The following ADCY10 variants were observed in gnomAD, a reference collection of about 807,000 sequenced individuals.
The protein encoded by ADCY10 is adenylate cyclase 10.
In ADCY10, 156 loss-of-function variants were observed where a neutral mutation model predicts 183.3. The observed-to-expected ratio is 0.85, with a 90% CI of 0.75 to 0.97. The LOEUF is 0.97. Among genes scored for constraint, ADCY10 ranks in the 50% least tolerant of loss-of-function variants. The pLI is 0.00. For synonymous variants in ADCY10, 645 were observed against 670.0 expected (o/e 0.96, Z 0.58); for missense variants, 1,745 against 1,934.3 (o/e 0.90, Z 1.84).
chr1:167,822,848 A>C (rs1167821167), intron 29 of ADCY10, among the ~76,000 whole-genome samples, 160 bp downstream of exon 29: 1 of 152,006 alleles, frequency 6.6e-6, no homozygotes, highest in Non-Finnish European at 1.5e-5. Flanking sequence ...CCTGCTAGAC[A>C]GTGCTTCAGC....
At chr1:167,888,800 C>T (rs1668402167) in intron 8 of ADCY10, among the ~76,000 whole-genome samples, 2 of 93,780 alleles carry the variant, frequency 2.1e-5, no homozygotes, top group South Asian at 3.5e-4. Flanking sequence ...AGAGTGAACC[C>T]GGGAGGCGGA....
chr1:167,902,795 G>T (rs995100474), intron 3 of ADCY10, among the ~76,000 whole-genome samples: 18 of 152,194 alleles, frequency 1.2e-4, no homozygotes, highest in African/African-American at 4.3e-4. Flanking sequence ...AAACAAGATG[G>T]CAGGCAGAGG....
chr1:167,868,025 G>A (rs1170223807), intron 14 of ADCY10, among the ~76,000 whole-genome samples: 2 of 152,104 alleles, frequency 1.3e-5, no homozygotes, highest in Admixed American at 1.3e-4. Flanking sequence ...CGTATCTCTG[G>A]GCGTCGATAA....
In ADCY10 at chr1:167,846,081, G is replaced by T. The variant is rs369190703; in HGVS notation, c.2620C>A (p.Arg874=). Residue 874 remains arginine, a synonymous_variant, in exon 20 of 33, where the codon CGG becomes AGG. Transcript: ENST00000367851. ...LVESNIFYCF[R]NGKELQKALK... ...GCCTTTTGAAGCTCCTTGCCATTCC[G>T]GAAACAATAAAAAATGTTAGATTCC... 4 of 1,613,972 alleles carry T rather than the reference G, an allele frequency of 2.5e-6. No individual in the cohort carries two copies. The South Asian group carries it at 4.4e-5, about 18-fold the overall frequency.
At chr1:167,906,214 T>TAAAATGTATATAGTATACATTTA (rs1205346944) in intron 1 of ADCY10, among the ~76,000 whole-genome samples, 1 of 152,122 alleles carries the variant, frequency 6.6e-6, no homozygotes, top group Non-Finnish European at 1.5e-5. Context: ...AGACAAACTT[T>TAAAATGTATATAGTATACATTTA]AAAATGTATA....
chr1:167,864,158 T>C (rs180816038), intron 14 of ADCY10, among the ~76,000 whole-genome samples: 3 of 152,364 alleles, frequency 2.0e-5, no homozygotes, highest in African/African-American at 7.2e-5. Flanking sequence ...TTTGGTTTAG[T>C]GTAAACTGCA....
rs192687128 is a variant in ADCY10 at position 167,815,448 on chromosome 1, C to A, written c.4482+2624G>T. 7.9e-5 allele frequency among the ~76,000 whole-genome samples: 12 copies of A among 152,220 alleles called. No homozygotes were observed. The East Asian group carries it at 2.3e-3, about 29-fold the overall frequency. Reference sequence around the variant, plus strand: ...CTAAACCCAGTTCTAGCCATTATGTCCCACCTAAGGAAGAGGGGACTGAAA... The same window carrying A: ...CTAAACCCAGTTCTAGCCATTATGTACCACCTAAGGAAGAGGGGACTGAAA... On this transcript the variant is annotated intron_variant, in intron 31 of 32. Coordinates refer to ENST00000367851, the MANE Select transcript of ADCY10 (RefSeq NM_018417.6).
chr1:167,885,986 T>A (rs1668196250), intron 8 of ADCY10, among the ~76,000 whole-genome samples: 1 of 152,088 alleles, frequency 6.6e-6, no homozygotes, highest in Admixed American at 6.6e-5. Flanking sequence ...CAGCTTCTTA[T>A]ATAGGGATGT....
At chr1:167,894,896 C>G (rs1315595388) in intron 7 of ADCY10, among the ~76,000 whole-genome samples, 1 of 152,074 alleles carries the variant, frequency 6.6e-6, no homozygotes, top group Non-Finnish European at 1.5e-5. Context: ...ATCAGAATTG[C>G]ACTGCAGGCC....
intron 25 of ADCY10, 100 bp downstream of exon 25, chr1:167,832,887 G>GC: frequency 1.6e-6 from 2 of 1,272,658 alleles, no homozygotes; most frequent in South Asian, 1.2e-5. Flanking sequence ...GAGTCCTTGT[G>GC]CCCCCTGGAG....
chr1:167,900,170 T>G (rs1034547119), intron 5 of ADCY10, among the ~76,000 whole-genome samples: 4 of 152,242 alleles, frequency 2.6e-5, no homozygotes, highest in Admixed American at 2.6e-4. Flanking sequence ...TTGTATAATA[T>G]GACATGTACA....
chr1:167,811,569 G>C (rs1408114811), intron 31 of ADCY10, among the ~76,000 whole-genome samples: 3 of 152,176 alleles, frequency 2.0e-5, no homozygotes, highest in African/African-American at 7.2e-5. Context: ...CCTTGTGACA[G>C]AGTGAGACTC....
intron 24 of ADCY10, among the ~76,000 whole-genome samples, chr1:167,833,503 T>C (rs560752775): frequency 6.6e-6 from 1 of 152,248 alleles, no homozygotes; most frequent in East Asian, 1.9e-4. Context: ...CCCAGCACTT[T>C]GGGAGGTCAG....
chr1:167,883,740 G>T (rs1668032039), intron 8 of ADCY10, 112 bp from the exon 9 acceptor site: 3 of 951,680 alleles, frequency 3.2e-6, no homozygotes, highest in Non-Finnish European at 3.4e-6. Context: ...CTCAGAATGG[G>T]TGAGGTACAA....
In ADCY10 at chr1:167,905,149, C is replaced by CA; in HGVS notation, c.-10dup. On this transcript the variant is annotated 5_prime_UTR_variant, in exon 2 of 33. Coordinates refer to ENST00000367851, the MANE Select transcript of ADCY10 (RefSeq NM_018417.6). ...TCTTTTGGAGTGTTCATGTTCAAGA[C>CA]AAATGTTCAGGATTTTATGGTGACA... 1 of 1,614,162 alleles carries CA rather than the reference C, an allele frequency of 6.2e-7. No individual in the cohort carries two copies.
intron 8 of ADCY10, among the ~76,000 whole-genome samples, chr1:167,891,525 G>A (rs984296390): frequency 2.0e-5 from 3 of 151,580 alleles, no homozygotes; most frequent in East Asian, 2.0e-4. Context: ...GCGTGGTGGC[G>A]GGCGCCTGTA....
chr1:167,891,529 G>T (rs1037592858), intron 8 of ADCY10, among the ~76,000 whole-genome samples: 1 of 151,588 alleles, frequency 6.6e-6, no homozygotes, highest in Non-Finnish European at 1.5e-5. Flanking sequence ...GGTGGCGGGC[G>T]CCTGTAGTCC....
At chr1:167,855,288 C>A (rs1316311849) in intron 17 of ADCY10, among the ~76,000 whole-genome samples, 1 of 152,046 alleles carries the variant, frequency 6.6e-6, no homozygotes, top group East Asian at 1.9e-4. Flanking sequence ...CCATTGCACT[C>A]CAGCCTGGGC....
chr1:167,812,151 C>G (rs1454837025), intron 31 of ADCY10, among the ~76,000 whole-genome samples: 1 of 152,140 alleles, frequency 6.6e-6, no homozygotes, highest in Non-Finnish European at 1.5e-5. Flanking sequence ...GATCTGTGCT[C>G]TGATCACCAA....
Sources: gnomAD v4.1 joint callset for allele counts (sites outside exome capture counted in the v4.1 genomes callset) on GRCh38, gnomAD v4.1.1 for gene constraint, MANE v1.5 for transcripts, NCBI Gene and HGNC (gene_info 2026-07-23, HGNC 2026-07-21) for gene names.